VAV1: variants seen among roughly 807,000 people sequenced by gnomAD.
VAV1 encodes proto-oncogene vav.
A neutral mutation model predicts 128.1 loss-of-function variants in VAV1; 33 were observed. The ratio of observed to expected loss-of-function variants is 0.26; its 90% CI spans 0.20 to 0.34. The LOEUF (loss-of-function observed/expected upper bound fraction) is 0.34. Ranked by LOEUF, VAV1 falls within the 10% of genes least tolerant of loss-of-function variation. The probability of loss-of-function intolerance (pLI) is 1.00; values close to 1 mark genes in which losing one functional copy is unlikely to be tolerated. For synonymous variants in VAV1, 394 were observed against 409.8 expected, an observed-to-expected ratio of 0.96 and a Z score of 0.47; for missense variants, 715 against 1,093.7, an observed-to-expected ratio of 0.65 and a Z score of 4.88.
At chr19:6,815,725 A>C (rs1306055710) in intron 1 of VAV1, among the ~76,000 whole-genome samples, 1 of 152,128 alleles carries the variant, frequency 6.6e-6, no homozygotes, top group Non-Finnish European at 1.5e-5. Context: ...TGTGTGTCTC[A>C]CCTCAGTTTC....
chr19:6,854,058 A>G lies in VAV1; in HGVS notation c.2444A>G (p.Lys815Arg), dbSNP rs968114947. 6.2e-7 allele frequency: 1 copy of G among 1,613,708 alleles called. No individual in the cohort carries two copies. Among genetic ancestry groups the G allele is most frequent in the Non-Finnish European group, 8.5e-7 (1 of 1,180,014 alleles). ...GACATCATCAAGATCCTTAACAAGAAGGGACAGCAAGGCTGGTGGCGAGGG... is the reference window on the plus strand; with the variant it reads ...GACATCATCAAGATCCTTAACAAGAGGGGACAGCAAGGCTGGTGGCGAGGG... ...EGDIIKILNKKGQQGWWRGEI... is the reference protein window; with the variant it reads ...EGDIIKILNKRGQQGWWRGEI... The change falls in exon 26 of 27, where the codon AAG becomes AGG. Residue 815 changes from lysine (K) to arginine (R), a missense_variant. Around this residue, in one of 3 missense-constraint regions of VAV1, gnomAD observed 407 missense variants for 580.6 expected, o/e 0.70. Coordinates refer to ENST00000602142, the MANE Select transcript of VAV1 (RefSeq NM_005428.4).
chr19:6,831,251 G>A (rs923389901), intron 14 of VAV1, among the ~76,000 whole-genome samples: 5 of 152,168 alleles, frequency 3.3e-5, no homozygotes, highest in Middle Eastern at 3.4e-3. Flanking sequence ...TTTTTCTCCT[G>A]TGAACTCTTC....
chr19:6,788,119 G>A (rs935863741), intron 1 of VAV1, among the ~76,000 whole-genome samples: 2 of 151,810 alleles, frequency 1.3e-5, no homozygotes, highest in Admixed American at 1.3e-4. Context: ...ACATTCAATG[G>A]AGATGGACCT....
chr19:6,790,633 T>G (rs1337374103), intron 1 of VAV1, among the ~76,000 whole-genome samples: 1 of 152,154 alleles, frequency 6.6e-6, no homozygotes, highest in African/African-American at 2.4e-5. Flanking sequence ...GCTGGTGGTG[T>G]TAGCAAGTTT....
At chr19:6,810,538 T>C (rs1971492336) in intron 1 of VAV1, among the ~76,000 whole-genome samples, 1 of 151,224 alleles carries the variant, frequency 6.6e-6, no homozygotes, top group East Asian at 2.0e-4. Flanking sequence ...ACCCTGCCTC[T>C]ACTAAAAATA....
chr19:6,818,439 C>A (rs1373004806), intron 1 of VAV1, among the ~76,000 whole-genome samples: 1 of 152,224 alleles, frequency 6.6e-6, no homozygotes, highest in Non-Finnish European at 1.5e-5. Flanking sequence ...CACTCTAACT[C>A]CAGCCACATG....
At chr19:6,789,924 G>C (rs1200835401) in intron 1 of VAV1, among the ~76,000 whole-genome samples, 1 of 152,182 alleles carries the variant, frequency 6.6e-6, no homozygotes, top group Non-Finnish European at 1.5e-5. Flanking sequence ...GATGGGGAGA[G>C]GCCAGACGTG....
chr19:6,837,136 G>C, intron 21 of VAV1, 86 bp downstream of exon 21: 1 of 1,387,938 alleles, frequency 7.2e-7, no homozygotes, highest in African/African-American at 1.4e-5. Context: ...AGACACCCCC[G>C]GAGTTGGGGA....
chr19:6,838,225 T>TCTATATC (rs1555705123), intron 21 of VAV1, among the ~76,000 whole-genome samples: 57 of 149,194 alleles, frequency 3.8e-4, no homozygotes, highest in South Asian at 6.4e-4. Context: ...TATCTATCTA[T>TCTATATC]ATCATCATCA....
At chr19:6,821,998 TG>T in intron 4 of VAV1, 139 bp downstream of exon 4, 2 of 1,258,326 alleles carry the variant, frequency 1.6e-6, no homozygotes, top group South Asian at 2.6e-5. Context: ...CCTGAGAGTC[TG>T]GGGAGACACA....
At chr19:6,773,115 G>T in intron 1 of VAV1, 104 bp downstream of exon 1, 1 of 1,453,106 alleles carries the variant, frequency 6.9e-7, no homozygotes, top group Non-Finnish European at 9.5e-7. Context: ...GGCCTGCAAA[G>T]GAGAGGGAAT....
intron 18 of VAV1, 26 bp downstream of exon 18, chr19:6,833,759 G>A (rs1253058018): frequency 1.2e-6 from 2 of 1,613,998 alleles, no homozygotes; most frequent in African/African-American, 1.3e-5. Flanking sequence ...GGTCCTTCCT[G>A]TGTACCACAA....
At chr19:6,855,798 CATTCATCT>C (rs1474064868) in intron 26 of VAV1, among the ~76,000 whole-genome samples, 1 of 132,688 alleles carries the variant, frequency 7.5e-6, no homozygotes, top group East Asian at 2.2e-4. Context: ...TCCATCCACC[CATTCATCT>C]ATCTATCTAT....
Position 6,826,691 on chromosome 19 carries a change from G to T in VAV1, c.907G>T (p.Asp303Tyr). ...HLDRVAAARE[D>Y]VQMKLEECSQ... ...GGACCGTGTGGCCGCAGCCCGGGAGGACGTGCAGATGAAGCTGGAGGTGGG... is the reference window on the plus strand; with the variant it reads ...GGACCGTGTGGCCGCAGCCCGGGAGTACGTGCAGATGAAGCTGGAGGTGGG... The change falls in exon 9 of 27, where the codon GAC (aspartate) becomes TAC (tyrosine). Residue 303 changes from aspartate (D) to tyrosine (Y), a missense_variant. Asp to Tyr is a radical substitution (Grantham distance 160). Coordinates refer to ENST00000602142, the MANE Select transcript of VAV1 (RefSeq NM_005428.4). The surrounding 1 kb of genome is among the most constrained non-coding windows in gnomAD (Gnocchi z 4.1). The T allele has an allele frequency of 6.4e-7, 1 of 1,555,202 alleles. No individual in the cohort carries two copies. The highest frequency in any genetic ancestry group is 2.4e-5 in the East Asian group (1 of 41,784).
intron 23 of VAV1, among the ~76,000 whole-genome samples, chr19:6,850,205 TTTTG>T (rs1162236102): frequency 1.3e-4 from 18 of 142,694 alleles, no homozygotes; most frequent in African/African-American, 4.4e-4. Context: ...ATAGGAAGAG[TTTTG>T]TTTGTTTGTT....
intron 1 of VAV1, among the ~76,000 whole-genome samples, chr19:6,779,944 T>A (rs1195101997): frequency 6.7e-6 from 1 of 149,010 alleles, no homozygotes. Context: ...ACCCCGTCTC[T>A]ACTAAAAATA....
chr19:6,812,086 C>T (rs891566670), intron 1 of VAV1, among the ~76,000 whole-genome samples: 1 of 152,226 alleles, frequency 6.6e-6, no homozygotes, highest in Non-Finnish European at 1.5e-5. Flanking sequence ...CACATGACTG[C>T]ATCCACATGC....
intron 1 of VAV1, among the ~76,000 whole-genome samples, chr19:6,795,552 G>A (rs1971114179): frequency 6.6e-6 from 1 of 151,946 alleles, no homozygotes; most frequent in Non-Finnish European, 1.5e-5. Context: ...ATTGATGGGA[G>A]CTGTCAATAT....
intron 21 of VAV1, among the ~76,000 whole-genome samples, chr19:6,838,113 AT>A (rs1972268096): frequency 6.6e-6 from 1 of 150,790 alleles, no homozygotes; most frequent in African/African-American, 2.5e-5. Flanking sequence ...CTATCTATCT[AT>A]CTATCTATCT....
Sources: allele counts gnomAD v4.1 joint callset (sites outside exome capture counted in the v4.1 genomes callset), GRCh38; gene constraint gnomAD v4.1.1; regional missense constraint gnomAD v4.1.1; non-coding constraint Gnocchi (gnomAD v3.1); transcripts MANE v1.5; gene names NCBI Gene and HGNC (gene_info 2026-07-23, HGNC 2026-07-21).